Variants in SULF1 observed in about 807,000 individuals in gnomAD.
SULF1 encodes sulfatase 1, also known as extracellular sulfatase Sulf-1.
Under a neutral mutation model 110.5 loss-of-function variants are expected in SULF1, and 46 were observed. That is an observed-to-expected ratio of 0.42 (90% CI 0.33 to 0.53). The LOEUF (loss-of-function observed/expected upper bound fraction) is 0.53. Ranked by LOEUF, SULF1 falls within the 20% of genes least tolerant of loss-of-function variation. The probability of loss-of-function intolerance (pLI) is 0.12; values close to 1 mark genes in which losing one functional copy is unlikely to be tolerated. For synonymous variants in SULF1, 371 were observed against 387.1 expected, an observed-to-expected ratio of 0.96 and a Z score of 0.49; for missense variants, 941 against 1,094.2, an observed-to-expected ratio of 0.86 and a Z score of 1.98.
chr8:69,472,071 T>C (rs1363853442), intron 1 of SULF1, among the ~76,000 whole-genome samples: 2 of 152,024 alleles, frequency 1.3e-5, no homozygotes, highest in Non-Finnish European at 2.9e-5. Context: ...AGCTAATGGC[T>C]CTGTAGGGAC....
chr8:69,576,316 G>A, intron 6 of SULF1, 107 bp downstream of exon 6: 2 of 1,355,226 alleles, frequency 1.5e-6, no homozygotes, highest in Non-Finnish European at 2.0e-6. Flanking sequence ...ACCTAAAAAA[G>A]GATCAAGTGT....
intron 6 of SULF1, among the ~76,000 whole-genome samples, chr8:69,582,718 G>A (rs1451328756): frequency 6.6e-6 from 1 of 151,770 alleles, no homozygotes; most frequent in African/African-American, 2.4e-5. Context: ...AAAGAAAAGT[G>A]GGATAAACCC....
Position 69,627,788 on chromosome 8 carries a change from A to T in SULF1, c.1964A>T (p.Asp655Val). The T allele has an allele frequency of 6.2e-7, 1 of 1,611,528 alleles. No individual in the cohort carries two copies. The highest frequency in any genetic ancestry group is 8.5e-7 in the Non-Finnish European group (1 of 1,178,776). ...YIDKEIEALQ[D>V]KIKNLREVRG... ...GTTTTCCAGATTGAAGCTCTGCAAG[A>T]TAAAATTAAGAATTTAAGAGAAGTG... Residue 655 changes from aspartate (D) to valine (V), a missense_variant, in exon 17 of 23, where the codon GAT becomes GTT. Transcript: ENST00000402687.
At chr8:69,640,659 G>A (rs993024182) in intron 21 of SULF1, 149 bp from the exon 22 acceptor site, 7 of 483,046 alleles carry the variant, frequency 1.4e-5, no homozygotes, top group African/African-American at 1.0e-4. Flanking sequence ...GAACCTAATA[G>A]GAAATCTCTG....
At chr8:69,639,867 G>A (rs541225557) in intron 21 of SULF1, among the ~76,000 whole-genome samples, 1 of 152,132 alleles carries the variant, frequency 6.6e-6, no homozygotes, top group African/African-American at 2.4e-5. Context: ...GGTCACAAAG[G>A]CTTTTGAGTT....
chr8:69,498,898 A>G (rs1434252179), intron 2 of SULF1, among the ~76,000 whole-genome samples: 1 of 152,090 alleles, frequency 6.6e-6, no homozygotes. Context: ...TTACTTTATT[A>G]CCCAGGTTGG....
At chr8:69,572,673 A>T (rs907351320) in intron 5 of SULF1, among the ~76,000 whole-genome samples, 11 of 152,188 alleles carry the variant, frequency 7.2e-5, no homozygotes, top group Non-Finnish European at 1.3e-4. Flanking sequence ...CATTAGAAAC[A>T]CAAATTCTCA....
intron 5 of SULF1, among the ~76,000 whole-genome samples, chr8:69,570,949 C>G (rs1028665156): frequency 6.6e-6 from 1 of 152,208 alleles, no homozygotes; most frequent in Non-Finnish European, 1.5e-5. Flanking sequence ...GCATGCACAC[C>G]AGCTACACAG....
chr8:69,540,751 A>G (rs77419550), intron 3 of SULF1, among the ~76,000 whole-genome samples: 1 of 152,282 alleles, frequency 6.6e-6, no homozygotes, highest in East Asian at 1.9e-4. Flanking sequence ...TATGTGTTAT[A>G]CCTTCTTTTT....
intron 13 of SULF1, among the ~76,000 whole-genome samples, chr8:69,612,772 G>A (rs556050407): frequency 6.0e-4 from 92 of 152,268 alleles, no homozygotes; most frequent in African/African-American, 2.1e-3. Context: ...TGGATGCATA[G>A]TTTGCAAATA....
intron 22 of SULF1, among the ~76,000 whole-genome samples, chr8:69,646,938 A>ATTTTTTTTTTT (rs532105097): frequency 1.0e-5 from 1 of 97,760 alleles, no homozygotes; most frequent in African/African-American, 3.9e-5. Context: ...GAGCCCTGGA[A>ATTTTTTTTTTT]TTTTTTTTTT....
chr8:69,590,852 TC>T lies in SULF1; in HGVS notation c.734+1713del, dbSNP rs962406429. Among the ~76,000 whole-genome samples the T allele has an allele frequency of 9.6e-4, 146 of 152,310 alleles. 1 individual carries two copies. The highest frequency in any genetic ancestry group is 3.5e-3 in the African/African-American group (145 of 41,584). On this transcript the variant is annotated intron_variant, in intron 8 of 22. Transcript: ENST00000402687. ...GAAGCCCATGTGTGACAAGTGGCTCTCCATTATAGCTCACTTACAAATTTAG... is the reference window on the plus strand; with the variant it reads ...GAAGCCCATGTGTGACAAGTGGCTCTCATTATAGCTCACTTACAAATTTAG...
intron 13 of SULF1, among the ~76,000 whole-genome samples, chr8:69,608,446 G>A (rs563047202): frequency 5.0e-4 from 76 of 152,300 alleles, no homozygotes; most frequent in South Asian, 1.2e-3. Flanking sequence ...TTGGGAGCCC[G>A]AGGCGGGCAG....
chr8:69,478,392 A>C lies in SULF1; in HGVS notation c.-391+11442A>C, dbSNP rs151311984. Among the ~76,000 whole-genome samples the C allele has an allele frequency of 3.7e-3, 570 of 152,296 alleles. 5 individuals are homozygous for C. Among genetic ancestry groups the C allele is most frequent in the African/African-American group, 0.013 (537 of 41,568 alleles). ...CAGCATCCAGTCTAAATAAATGACC[A>C]GCAATTAAGAACCTCCATGATCTTT... On this transcript the variant is annotated intron_variant, in intron 1 of 22. Transcript: ENST00000260128.
intron 2 of SULF1, among the ~76,000 whole-genome samples, chr8:69,497,822 A>T (rs1245406603): frequency 6.6e-6 from 1 of 152,196 alleles, no homozygotes; most frequent in East Asian, 1.9e-4. Flanking sequence ...CTAAGTGCTA[A>T]CTGCAGTAAC....
intron 6 of SULF1, among the ~76,000 whole-genome samples, chr8:69,578,541 A>G (rs1805800575): frequency 8.0e-6 from 1 of 125,716 alleles, no homozygotes; most frequent in Non-Finnish European, 1.6e-5. Context: ...TCCAATGGGA[A>G]GAGCCGGCAC....
At chr8:69,543,951 A>G (rs531043420) in intron 3 of SULF1, among the ~76,000 whole-genome samples, 55 of 152,320 alleles carry the variant, frequency 3.6e-4, no homozygotes, top group South Asian at 1.0e-3. Flanking sequence ...TGCTGTATAT[A>G]ATCAATGTCA....
At chr8:69,486,176 T>C (rs1809698127) in intron 1 of SULF1, among the ~76,000 whole-genome samples, 1 of 152,154 alleles carries the variant, frequency 6.6e-6, no homozygotes, top group Admixed American at 6.6e-5. Context: ...CTTAAGAACG[T>C]TCATGCCATA....
intron 2 of SULF1, among the ~76,000 whole-genome samples, chr8:69,499,154 G>A (rs1167061190): frequency 8.5e-5 from 13 of 152,050 alleles, no homozygotes; most frequent in Non-Finnish European, 1.5e-4. Context: ...CCACTGCAAC[G>A]GGTCCCAGAC....
Sources: allele counts gnomAD v4.1 joint callset (sites outside exome capture counted in the v4.1 genomes callset), GRCh38; gene constraint gnomAD v4.1.1; transcripts MANE v1.5; gene names NCBI Gene and HGNC (gene_info 2026-07-23, HGNC 2026-07-21).